Variants in FBXL7 observed in about 807,000 individuals in gnomAD.
FBXL7 encodes F-box/LRR-repeat protein 7.
Under a neutral mutation model 38.3 loss-of-function variants are expected in FBXL7, and 12 were observed. The ratio of observed to expected loss-of-function variants is 0.31; its 90% CI spans 0.20 to 0.51. The LOEUF (loss-of-function observed/expected upper bound fraction) is 0.51. Among genes scored for constraint, FBXL7 ranks in the 20% least tolerant of loss-of-function variants. The pLI, the probability that FBXL7 is intolerant of heterozygous loss-of-function variation, is 0.98. For missense variants in FBXL7, 567 were observed against 676.4 expected, an observed-to-expected ratio of 0.84 and a Z score of 1.79; for synonymous variants, 297 against 300.9, an observed-to-expected ratio of 0.99 and a Z score of 0.13.
chr5:15,725,557 A>G (rs752102632), intron 2 of FBXL7, among the ~76,000 whole-genome samples: 5 of 152,214 alleles, frequency 3.3e-5, no homozygotes, highest in Non-Finnish European at 7.3e-5. Flanking sequence ...TTTGTGGTCT[A>G]TCATATGGTC....
At chr5:15,785,763 G>T (rs1299678473) in intron 2 of FBXL7, among the ~76,000 whole-genome samples, 1 of 152,164 alleles carries the variant, frequency 6.6e-6, no homozygotes, top group Non-Finnish European at 1.5e-5. Context: ...GATAATTCTT[G>T]GACAAAGCAG....
intron 1 of FBXL7, among the ~76,000 whole-genome samples, chr5:15,531,582 A>G (rs1330411164): frequency 6.6e-6 from 1 of 152,228 alleles, no homozygotes; most frequent in Non-Finnish European, 1.5e-5. Flanking sequence ...GACTCTGGCC[A>G]TAAGAGGGCA....
intron 2 of FBXL7, among the ~76,000 whole-genome samples, chr5:15,860,012 G>C (rs1579530242): frequency 6.6e-6 from 1 of 152,150 alleles, no homozygotes; most frequent in Non-Finnish European, 1.5e-5. Context: ...AGAAAATGCA[G>C]ATCAACATCC....
intron 2 of FBXL7, among the ~76,000 whole-genome samples, chr5:15,831,583 A>G (rs1738457472): frequency 6.6e-6 from 1 of 152,152 alleles, no homozygotes; most frequent in Admixed American, 6.5e-5. Context: ...GAACTCTTAT[A>G]AAAGCTTTAA....
At chr5:15,891,073 C>T (rs1227262931) in intron 2 of FBXL7, among the ~76,000 whole-genome samples, 1 of 152,012 alleles carries the variant, frequency 6.6e-6, no homozygotes, top group Non-Finnish European at 1.5e-5. Context: ...ATTGTTGGTG[C>T]CATAACCTAT....
intron 1 of FBXL7, among the ~76,000 whole-genome samples, chr5:15,572,860 T>C (rs1412975282): frequency 6.6e-6 from 1 of 152,186 alleles, no homozygotes; most frequent in Non-Finnish European, 1.5e-5. Context: ...TACCAGTATA[T>C]ATACCTCACC....
chr5:15,654,080 T>C (rs1262809909), intron 2 of FBXL7, among the ~76,000 whole-genome samples: 1 of 152,204 alleles, frequency 6.6e-6, no homozygotes. Context: ...TTAACTTTGT[T>C]TGAGCCAAAC....
intron 1 of FBXL7, among the ~76,000 whole-genome samples, chr5:15,571,052 A>G (rs1738762237): frequency 6.7e-6 from 1 of 149,826 alleles, no homozygotes; most frequent in South Asian, 2.1e-4. Flanking sequence ...AGATCATGCC[A>G]TTGCACTCCA....
In FBXL7 at chr5:15,928,876, G is replaced by T. The variant is rs191899364; in HGVS notation, c.739+375G>T. Among the ~76,000 whole-genome samples, 37 of 152,220 alleles carry T rather than the reference G, an allele frequency of 2.4e-4. No homozygotes were observed. The East Asian group carries it at 2.7e-3, about 11-fold the overall frequency. ...TACGGGAGTTCTTAGGGGAATTCTG[G>T]CACATTTTGCCTGGGAGTTGAGGTT... is the stretch of plus-strand genomic sequence containing the variant. On this transcript the variant is annotated intron_variant, in intron 3 of 3. Coordinates refer to ENST00000504595, the MANE Select transcript of FBXL7 (RefSeq NM_012304.5). This position sits in a 1 kb window ranked among gnomAD's most constrained non-coding sequence, Gnocchi z 4.0.
intron 2 of FBXL7, among the ~76,000 whole-genome samples, chr5:15,813,920 G>T (rs1737937501): frequency 6.6e-6 from 1 of 152,118 alleles, no homozygotes; most frequent in South Asian, 2.1e-4. Flanking sequence ...TAAAAAGTCA[G>T]AAAACAACAG....
At chr5:15,916,550 AG>A (rs1420878592) in intron 2 of FBXL7, among the ~76,000 whole-genome samples, 3 of 152,224 alleles carry the variant, frequency 2.0e-5, no homozygotes, top group African/African-American at 2.4e-5. Context: ...GAGTGAGCAA[AG>A]GACACCTGAG....
At chr5:15,722,329 C>T (rs2126653615) in intron 2 of FBXL7, among the ~76,000 whole-genome samples, 1 of 152,270 alleles carries the variant, frequency 6.6e-6, no homozygotes, top group Admixed American at 6.5e-5. Flanking sequence ...TCATTCCTAT[C>T]CGGCCACCTA....
chr5:15,694,952 G>C (rs1007118673), intron 2 of FBXL7, among the ~76,000 whole-genome samples: 6 of 152,148 alleles, frequency 3.9e-5, no homozygotes, highest in Non-Finnish European at 7.3e-5. Context: ...CTTCATGCCT[G>C]CTATAAAAAT....
intron 2 of FBXL7, among the ~76,000 whole-genome samples, chr5:15,875,564 A>C (rs1289602296): frequency 6.6e-6 from 1 of 152,170 alleles, no homozygotes; most frequent in Admixed American, 6.6e-5. Flanking sequence ...CAAGAAAAAA[A>C]CAAAAAACCC....
intron 2 of FBXL7, among the ~76,000 whole-genome samples, chr5:15,749,890 G>T (rs1736112523): frequency 6.6e-6 from 1 of 152,180 alleles, no homozygotes; most frequent in Non-Finnish European, 1.5e-5. Context: ...TTCCTCATTA[G>T]GCAGATGACA....
intron 2 of FBXL7, among the ~76,000 whole-genome samples, chr5:15,706,563 T>G (rs1471522113): frequency 1.3e-5 from 2 of 152,170 alleles, no homozygotes; most frequent in Non-Finnish European, 2.9e-5. Flanking sequence ...AGAATGGAAG[T>G]GGTTCAGTTT....
chr5:15,624,209 C>T (rs1021109240), intron 2 of FBXL7, among the ~76,000 whole-genome samples: 1 of 152,120 alleles, frequency 6.6e-6, no homozygotes, highest in Non-Finnish European at 1.5e-5. Context: ...GGTTTGTCCC[C>T]ACCAAAACTC....
chr5:15,922,527 G>C (rs935014981), intron 2 of FBXL7, among the ~76,000 whole-genome samples: 1 of 152,144 alleles, frequency 6.6e-6, no homozygotes, highest in African/African-American at 2.4e-5. Context: ...CTATGCTACA[G>C]TTTCACCACA....
intron 2 of FBXL7, among the ~76,000 whole-genome samples, chr5:15,872,110 A>T (rs187484801): frequency 1.4e-4 from 21 of 152,322 alleles, no homozygotes; most frequent in African/African-American, 5.1e-4. Flanking sequence ...CCTACAAGCC[A>T]CAAGACAGTG....
Sources: gnomAD v4.1 joint callset for allele counts (sites outside exome capture counted in the v4.1 genomes callset) on GRCh38, gnomAD v4.1.1 for gene constraint, Gnocchi (gnomAD v3.1) non-coding constraint, MANE v1.5 for transcripts, NCBI Gene and HGNC (gene_info 2026-07-23, HGNC 2026-07-21) for gene names.